Variants in SLC2A9 observed in about 807,000 individuals in gnomAD.
SLC2A9 encodes the protein solute carrier family 2, facilitated glucose transporter member 9.
A neutral mutation model predicts 50.6 loss-of-function variants in SLC2A9; 39 were observed. The observed-to-expected ratio is 0.77, with a 90% CI of 0.60 to 1.01. The LOEUF is 1.01. Among genes scored for constraint, SLC2A9 ranks in the 50% least tolerant of loss-of-function variants. The pLI is 0.00. For synonymous variants in SLC2A9, 324 were observed against 276.9 expected (o/e 1.17, Z -1.69); for missense variants, 686 against 677.6 (o/e 1.01, Z -0.14).
chr4:9,773,317 G>A (rs1395541489), intron 1 of SLC2A9, among the ~76,000 whole-genome samples: 3 of 152,170 alleles, frequency 2.0e-5, no homozygotes, highest in Non-Finnish European at 4.4e-5. Flanking sequence ...GGCAGGGCTG[G>A]TGGCTGGGAG....
At chr4:10,030,519 G>T (rs1763907662) in intron 1 of SLC2A9, among the ~76,000 whole-genome samples, 1 of 152,072 alleles carries the variant, frequency 6.6e-6, no homozygotes, top group East Asian at 1.9e-4. Context: ...TGTAATAAAT[G>T]CAGCATCCTA....
At chr4:9,879,795 A>G (rs901813265) in intron 10 of SLC2A9, 2 of 985,412 alleles carry the variant, frequency 2.0e-6, no homozygotes, top group Non-Finnish European at 2.4e-6. Flanking sequence ...TTTGGCAACG[A>G]TCTTCTTTTT....
intron 10 of SLC2A9, among the ~76,000 whole-genome samples, chr4:9,848,636 G>A (rs1560188000): frequency 6.6e-6 from 1 of 151,854 alleles, no homozygotes; most frequent in Non-Finnish European, 1.5e-5. Context: ...GATGTTTGCT[G>A]AATGTGCAGA....
chr4:9,776,192 T>TC (rs1717543497), downstream of SLC2A9, among the ~76,000 whole-genome samples: 1 of 150,860 alleles, frequency 6.6e-6, no homozygotes, highest in Non-Finnish European at 1.5e-5. Flanking sequence ...TCTTTCTTTT[T>TC]TTTTTTTTTT....
intron 10 of SLC2A9, among the ~76,000 whole-genome samples, chr4:9,881,041 C>G (rs536691677): frequency 6.6e-6 from 1 of 152,358 alleles, no homozygotes; most frequent in African/African-American, 2.4e-5. Context: ...CTGACTCCTC[C>G]TCTGTGTCTC....
chr4:9,901,677 C>G (rs1478668896), intron 8 of SLC2A9, among the ~76,000 whole-genome samples: 1 of 152,098 alleles, frequency 6.6e-6, no homozygotes, highest in Non-Finnish European at 1.5e-5. Context: ...CCCATGCCCC[C>G]CCACCAGCCC....
chr4:10,005,388 T>G (rs1224641494), intron 2 of SLC2A9, among the ~76,000 whole-genome samples: 1 of 152,242 alleles, frequency 6.6e-6, no homozygotes, highest in Non-Finnish European at 1.5e-5. Context: ...TGCCTGTACC[T>G]GGCTTTGCCT....
At chr4:9,863,672 C>G (rs1449898195) in intron 10 of SLC2A9, among the ~76,000 whole-genome samples, 1 of 150,862 alleles carries the variant, frequency 6.6e-6, no homozygotes, top group Non-Finnish European at 1.5e-5. Context: ...AAGGGAAGCA[C>G]CTAAGGGGTG....
intron 1 of SLC2A9, among the ~76,000 whole-genome samples, chr4:10,030,832 G>T (rs1379212397): frequency 2.0e-5 from 3 of 152,180 alleles, no homozygotes; most frequent in Non-Finnish European, 4.4e-5. Context: ...AGGCCGCTTT[G>T]CATGTGTGAT....
In SLC2A9 at chr4:10,018,699, C is replaced by G. The variant is rs191348192; in HGVS notation, c.249+276G>C. Among the ~76,000 whole-genome samples the G allele has an allele frequency of 3.4e-3, 515 of 152,222 alleles. 7 individuals carry two copies. The highest frequency in any genetic ancestry group is 0.012 in the African/African-American group (501 of 41,524). On this transcript the variant is annotated intron_variant, in intron 2 of 11. Coordinates refer to ENST00000264784, the MANE Select transcript of SLC2A9 (RefSeq NM_020041.3). ...CAGAGGATCGCCCCCCACCCCACCC[C>G]GGGACTTCCGAAGCCCCCTCTCATC...
chr4:9,958,791 A>G (rs1428396530), intron 5 of SLC2A9, among the ~76,000 whole-genome samples: 1 of 152,228 alleles, frequency 6.6e-6, no homozygotes, highest in East Asian at 1.9e-4. Flanking sequence ...GCAACAGGCT[A>G]GAGGGCTGAG....
chr4:10,021,761 T>A (rs1763525977), upstream of SLC2A9, among the ~76,000 whole-genome samples: 1 of 151,092 alleles, frequency 6.6e-6, no homozygotes, highest in Non-Finnish European at 1.5e-5. Context: ...CTAGGATACC[T>A]CCCTAATGCT....
intron 6 of SLC2A9, among the ~76,000 whole-genome samples, chr4:9,931,293 AC>A (rs1329752298): frequency 1.3e-5 from 2 of 152,026 alleles, no homozygotes; most frequent in Admixed American, 1.3e-4. Flanking sequence ...CTAATCACTA[AC>A]TCCAAAGAAC....
chr4:9,817,864 C>T (rs951948211), intron 3 of SLC2A9, among the ~76,000 whole-genome samples: 2 of 152,208 alleles, frequency 1.3e-5, no homozygotes, highest in African/African-American at 4.8e-5. Context: ...ACAATCCCTG[C>T]TGCCAGAGGC....
intron 10 of SLC2A9, among the ~76,000 whole-genome samples, chr4:9,857,978 G>C (rs1243849923): frequency 1.3e-5 from 2 of 152,206 alleles, no homozygotes. Context: ...TATTGTCCCA[G>C]CTTTAAAAAT....
At chr4:9,875,399 T>A (rs1040191564) in intron 10 of SLC2A9, among the ~76,000 whole-genome samples, 3 of 152,390 alleles carry the variant, frequency 2.0e-5, no homozygotes, top group South Asian at 4.1e-4. Flanking sequence ...TCAGATGGGA[T>A]GCTGTGTCTT....
chr4:9,836,278 T>G (rs1489430707), intron 10 of SLC2A9, among the ~76,000 whole-genome samples: 1 of 150,354 alleles, frequency 6.7e-6, no homozygotes, highest in Non-Finnish European at 1.5e-5. Context: ...AAACACCACC[T>G]GTTCCCCAAA....
rs1315518821 is a variant in SLC2A9, at chr4:9,781,900, G to C, written n.386-1835C>G. ...TCCGCAGCCCGGCGCAGCTCATGGTGAGCGCCCTCTGGGGCTCGAGGGTCC... is the reference window on the plus strand; with the variant it reads ...TCCGCAGCCCGGCGCAGCTCATGGTCAGCGCCCTCTGGGGCTCGAGGGTCC... On this transcript the variant is annotated intron_variant and non_coding_transcript_variant, in intron 3 of 3. Coordinates refer to the SLC2A9 transcript ENST00000503803. The C allele has an allele frequency of 2.5e-4, 197 of 799,678 alleles. No individual in the cohort carries two copies. The East Asian group carries it at 5.9e-3, about 24-fold the overall frequency. The allele number at this position is 799,678 out of a possible 1,614,324, so 49.5% of individuals were successfully genotyped here.
intron 5 of SLC2A9, among the ~76,000 whole-genome samples, chr4:9,979,386 G>A (rs745315231): frequency 6.6e-6 from 1 of 152,114 alleles, no homozygotes; most frequent in Non-Finnish European, 1.5e-5. Flanking sequence ...TGTCTGTTGT[G>A]CACTGTTCGT....
Sources: gnomAD v4.1 joint callset for allele counts (sites outside exome capture counted in the v4.1 genomes callset) on GRCh38, gnomAD v4.1.1 for gene constraint, MANE v1.5 for transcripts, NCBI Gene and HGNC (gene_info 2026-07-23, HGNC 2026-07-21) for gene names.